NNMT: variants seen among roughly 807,000 people sequenced by gnomAD.
The protein encoded by NNMT is nicotinamide N-methyltransferase.
In NNMT, 10 loss-of-function variants were observed where a neutral mutation model predicts 11.7. The ratio of observed to expected loss-of-function variants is 0.85; its 90% confidence interval spans 0.53 to 1.45. The LOEUF is 1.45. Ranked by LOEUF, NNMT falls within the 40% of genes most tolerant of loss-of-function variation. The pLI is 0.00. For synonymous variants in NNMT, 143 were observed against 133.8 expected, an observed-to-expected ratio of 1.07 and a Z score of -0.48; for missense variants, 381 against 319.4, an observed-to-expected ratio of 1.19 and a Z score of -1.47.
chr11:114,305,548 T>A (rs1215604347), intron 2 of NNMT, among the ~76,000 whole-genome samples: 2 of 139,026 alleles, frequency 1.4e-5, no homozygotes, highest in Non-Finnish European at 3.1e-5. Flanking sequence ...CCACCCTGTA[T>A]CCAAGTGTTC....
chr11:114,289,095 G>T (rs569111545), intron 2 of NNMT, among the ~76,000 whole-genome samples: 1 of 152,090 alleles, frequency 6.6e-6, no homozygotes, highest in Non-Finnish European at 1.5e-5. Flanking sequence ...TTCTTTAATG[G>T]TTATAAGGCA....
At chr11:114,278,404 A>G (rs1344710673) in intron 2 of NNMT, among the ~76,000 whole-genome samples, 1 of 152,188 alleles carries the variant, frequency 6.6e-6, no homozygotes, top group Non-Finnish European at 1.5e-5. Flanking sequence ...ACATTTCAAC[A>G]TGAGATTTGG....
intron 1 of NNMT, among the ~76,000 whole-genome samples, chr11:114,259,391 G>A (rs1273990318): frequency 6.6e-6 from 1 of 151,128 alleles, no homozygotes; most frequent in East Asian, 1.9e-4. Flanking sequence ...TGCTCATGTC[G>A]ATTCATAGAC....
Position 114,312,056 on chromosome 11 carries a change from C to A in NNMT, c.374C>A (p.Pro125Gln). 1 of 1,574,136 alleles carries A rather than the reference C, an allele frequency of 6.4e-7. No homozygotes were observed. The highest frequency in any genetic ancestry group is 1.2e-5 in the South Asian group (1 of 86,020). ...CDLEGNRVKG[P>Q]EKEEKLRQAV... ...TTTGTGTTTTTCAGAGTCAAGGGTC[C>A]AGAGAAGGAGGAGAAGTTGAGACAG... is the stretch of plus-strand genomic sequence containing the variant. Residue 125 changes from proline to glutamine, a missense_variant, in exon 3 of 3, where the codon CCA becomes CAA. By Grantham distance (76) the Pro-to-Gln change is moderately conservative. Transcript: ENST00000299964.
intron 2 of NNMT, among the ~76,000 whole-genome samples, chr11:114,284,764 C>CTTTTTTTT (rs11415162): frequency 1.1e-5 from 1 of 90,354 alleles, no homozygotes. Flanking sequence ...ACCCGGCCAT[C>CTTTTTTTT]TTTTTTTTTT....
At chr11:114,281,353 C>A (rs914944359) in intron 2 of NNMT, among the ~76,000 whole-genome samples, 5 of 152,054 alleles carry the variant, frequency 3.3e-5, no homozygotes, top group African/African-American at 1.2e-4. Context: ...TTCTAGTGGA[C>A]AAGTGGCCAT....
At chr11:114,283,581 G>A (rs190590926) in intron 2 of NNMT, among the ~76,000 whole-genome samples, 385 of 152,240 alleles carry the variant, frequency 2.5e-3, no homozygotes, top group African/African-American at 8.3e-3. Flanking sequence ...AGTTCATTCC[G>A]AAAGCTTTTT....
At chr11:114,274,760 C>T (rs1337450657) in intron 2 of NNMT, among the ~76,000 whole-genome samples, 1 of 152,196 alleles carries the variant, frequency 6.6e-6, no homozygotes, top group Non-Finnish European at 1.5e-5. Context: ...CAAGCATATG[C>T]ATAACAGGCA....
intron 2 of NNMT, among the ~76,000 whole-genome samples, chr11:114,273,118 C>A (rs1282056007): frequency 6.6e-6 from 1 of 152,138 alleles, no homozygotes; most frequent in African/African-American, 2.4e-5. Flanking sequence ...CAAAATTGTT[C>A]ATAATTTGTG....
Position 114,312,740 on chromosome 11 carries a change from A to C in NNMT, c.*263A>C. On this transcript the variant is annotated 3_prime_UTR_variant, in exon 3 of 3. Coordinates refer to ENST00000299964, the MANE Select transcript of NNMT (RefSeq NM_006169.3). ...GCCTGTGCTTACAAAAGAAGACCTCACTTCCCTAAACATCTAGTTATGGCG... is the reference window on the plus strand; with the variant it reads ...GCCTGTGCTTACAAAAGAAGACCTCCCTTCCCTAAACATCTAGTTATGGCG... 4.5e-6 allele frequency: 2 copies of C among 448,306 alleles called. No individual in the cohort carries two copies. The highest frequency in any genetic ancestry group is 7.9e-6 in the Non-Finnish European group (2 of 251,802). The allele number at this position is 448,306 out of a possible 1,614,324, so 27.8% of individuals were successfully genotyped here.
chr11:114,266,108 T>A (rs1359389271), intron 2 of NNMT, among the ~76,000 whole-genome samples: 1 of 152,176 alleles, frequency 6.6e-6, no homozygotes, highest in Admixed American at 6.5e-5. Flanking sequence ...TCCTCCTACT[T>A]ACATTCATTT....
At chr11:114,292,779 G>A (rs1055979546), upstream of NNMT, among the ~76,000 whole-genome samples, 4 of 152,108 alleles carry the variant, frequency 2.6e-5, no homozygotes, top group African/African-American at 7.2e-5. Context: ...AATTTCTGGA[G>A]AGGGTAGAAA....
rs202205364 is a variant in NNMT, at chr11:114,296,598, T to A, written c.42T>A (p.His14Gln). Reference sequence around the variant, plus strand: ...CCTCCAAGGACACCTATCTAAGCCATTTTAACCCTCGGGATTACCTAGAAA... The same window carrying A: ...CCTCCAAGGACACCTATCTAAGCCAATTTAACCCTCGGGATTACCTAGAAA... Reference protein sequence around the residue: ...GFTSKDTYLSHFNPRDYLEKY... With the variant: ...GFTSKDTYLSQFNPRDYLEKY... The change falls in exon 1 of 3, where the codon CAT becomes CAA. Residue 14 changes from histidine to glutamine, a missense_variant. His to Gln is a conservative substitution (Grantham distance 24). Transcript: ENST00000299964. The A allele has an allele frequency of 2.4e-4, 393 of 1,614,016 alleles. No homozygotes were observed. The highest frequency in any genetic ancestry group is 3.0e-4 in the Non-Finnish European group (355 of 1,180,036).
At chr11:114,278,266 T>C (rs1361712624) in intron 2 of NNMT, among the ~76,000 whole-genome samples, 2 of 152,136 alleles carry the variant, frequency 1.3e-5, no homozygotes, top group South Asian at 2.1e-4. Flanking sequence ...CCAGGCTTCT[T>C]TAAACGATCT....
At chr11:114,303,439 G>A (rs181856208) in intron 2 of NNMT, among the ~76,000 whole-genome samples, 24 of 152,170 alleles carry the variant, frequency 1.6e-4, no homozygotes, top group African/African-American at 5.8e-4. Context: ...AGATCAGTTT[G>A]GACATTTGCT....
chr11:114,266,385 C>T (rs1328127923), intron 2 of NNMT, among the ~76,000 whole-genome samples: 5 of 152,168 alleles, frequency 3.3e-5, no homozygotes, highest in Non-Finnish European at 7.3e-5. Flanking sequence ...AGCAAAGGCT[C>T]TAAATAAACC....
chr11:114,306,738 T>C (rs931430334), intron 2 of NNMT, among the ~76,000 whole-genome samples: 2 of 152,174 alleles, frequency 1.3e-5, no homozygotes, highest in Admixed American at 1.3e-4. Context: ...ACCATGCTGT[T>C]TTGGTTACTG....
chr11:114,271,890 A>G (rs1945172931), intron 2 of NNMT, among the ~76,000 whole-genome samples: 1 of 152,128 alleles, frequency 6.6e-6, no homozygotes, highest in African/African-American at 2.4e-5. Context: ...ACAGTGGAGC[A>G]GAAGAGATGG....
intron 2 of NNMT, among the ~76,000 whole-genome samples, chr11:114,276,074 G>A (rs182502867): frequency 1.6e-3 from 246 of 152,206 alleles, no homozygotes; most frequent in African/African-American, 5.7e-3. Flanking sequence ...GCCCCTGGCC[G>A]ACTGCCTCGT....
Sources: allele counts gnomAD v4.1 joint callset (sites outside exome capture counted in the v4.1 genomes callset), GRCh38; gene constraint gnomAD v4.1.1; transcripts MANE v1.5; gene names NCBI Gene and HGNC (gene_info 2026-07-23, HGNC 2026-07-21).